KCNS3: variants seen among roughly 807,000 people sequenced by gnomAD.
KCNS3 encodes the protein potassium voltage-gated channel modifier subfamily S member 3.
In KCNS3, 13 loss-of-function variants were observed where a neutral mutation model predicts 31.0. That is an observed-to-expected ratio of 0.42 (90% CI 0.27 to 0.67). The LOEUF (loss-of-function observed/expected upper bound fraction) is 0.67, where lower values mean the gene tolerates loss of function less well. Among genes scored for constraint, KCNS3 ranks in the 30% least tolerant of loss-of-function variants. The pLI, the probability that KCNS3 is intolerant of heterozygous loss-of-function variation, is 0.25. For synonymous variants in KCNS3, 238 were observed against 241.5 expected (o/e 0.99, Z 0.13); for missense variants, 545 against 622.4 (o/e 0.88, Z 1.32).
chr2:17,904,986 A>G (rs1378017015), intron 1 of KCNS3, among the ~76,000 whole-genome samples: 1 of 152,166 alleles, frequency 6.6e-6, no homozygotes, highest in Non-Finnish European at 1.5e-5. Context: ...GTTTTTTCCA[A>G]TTCTGTGAAG....
intron 1 of KCNS3, among the ~76,000 whole-genome samples, chr2:17,908,880 G>A (rs910738013): frequency 6.6e-6 from 1 of 152,360 alleles, no homozygotes; most frequent in Admixed American, 6.5e-5. Context: ...ACTGGGGGGT[G>A]CCTCCCAGAT....
intron 1 of KCNS3, among the ~76,000 whole-genome samples, chr2:17,889,611 G>A (rs1270791981): frequency 5.9e-5 from 9 of 151,964 alleles, no homozygotes; most frequent in Non-Finnish European, 1.0e-4. Flanking sequence ...CTTGTATGCC[G>A]ATTTTGCTGA....
chr2:17,902,168 T>C (rs571818108), intron 1 of KCNS3, among the ~76,000 whole-genome samples: 3 of 152,168 alleles, frequency 2.0e-5, no homozygotes, highest in Non-Finnish European at 4.4e-5. Context: ...CAGATGCAGA[T>C]ATGCAGATTG....
Position 17,931,934 on chromosome 2 carries a change from G to T in KCNS3, c.926G>T (p.Gly309Val). Residue 309 changes from glycine to valine, a missense_variant, in exon 3 of 3, where the codon GGA (glycine) becomes GTA (valine). Coordinates refer to ENST00000304101, the MANE Select transcript of KCNS3 (RefSeq NM_002252.5). This position sits in a 1 kb window ranked among gnomAD's most constrained non-coding sequence, Gnocchi z 5.4. ...CTAAAGCTTGCCCGGCACTCGGTAG[G>T]ACTTCGGTCTCTAGGTGCCACACTG... Reference protein sequence around the residue: ...RILKLARHSVGLRSLGATLRH... With the variant: ...RILKLARHSVVLRSLGATLRH... 1 of 1,614,108 alleles carries T rather than the reference G, an allele frequency of 6.2e-7. No homozygotes were observed. Among genetic ancestry groups the T allele is most frequent in the Non-Finnish European group, 8.5e-7 (1 of 1,180,004 alleles).
At chr2:17,915,837 G>GT (rs1365741935) in intron 1 of KCNS3, among the ~76,000 whole-genome samples, 4 of 152,152 alleles carry the variant, frequency 2.6e-5, no homozygotes, top group South Asian at 2.1e-4. Context: ...TGAAAATCCA[G>GT]TTTTTTTGGA....
At chr2:17,904,867 G>A (rs941008743) in intron 1 of KCNS3, among the ~76,000 whole-genome samples, 1 of 152,146 alleles carries the variant, frequency 6.6e-6, no homozygotes, top group African/African-American at 2.4e-5. Flanking sequence ...CTGTAGCCTT[G>A]TAGTATAGTT....
chr2:17,904,590 T>C (rs1419617543), intron 1 of KCNS3, among the ~76,000 whole-genome samples: 6 of 152,176 alleles, frequency 3.9e-5, no homozygotes, highest in Non-Finnish European at 8.8e-5. Context: ...TTTATGGTTT[T>C]AGGTCTAACA....
chr2:17,904,670 C>T (rs1662272382), intron 1 of KCNS3, among the ~76,000 whole-genome samples: 2 of 152,160 alleles, frequency 1.3e-5, no homozygotes, highest in Admixed American at 1.3e-4. Flanking sequence ...TTCCAGCTTT[C>T]TACATATGGC....
chr2:17,896,312 T>TA (rs1444117674), intron 1 of KCNS3, among the ~76,000 whole-genome samples: 1 of 152,046 alleles, frequency 6.6e-6, no homozygotes, highest in African/African-American at 2.4e-5. Context: ...TCAGCCCCCC[T>TA]AAAGTGCTGG....
At chr2:17,908,722 C>A (rs923558601) in intron 1 of KCNS3, among the ~76,000 whole-genome samples, 3 of 152,194 alleles carry the variant, frequency 2.0e-5, no homozygotes, top group African/African-American at 7.2e-5. Context: ...TGCTAGAGGT[C>A]CACTCCAGAC....
chr2:17,892,072 G>A (rs1661870942), intron 1 of KCNS3, among the ~76,000 whole-genome samples: 1 of 152,034 alleles, frequency 6.6e-6, no homozygotes, highest in Non-Finnish European at 1.5e-5. Flanking sequence ...TTATTCTTAG[G>A]TTTGGTCATG....
intron 1 of KCNS3, among the ~76,000 whole-genome samples, chr2:17,908,059 G>T (rs940497204): frequency 6.6e-6 from 1 of 152,114 alleles, no homozygotes; most frequent in Non-Finnish European, 1.5e-5. Flanking sequence ...GAGTGTTTTC[G>T]AACTTGGTTC....
intron 1 of KCNS3, among the ~76,000 whole-genome samples, chr2:17,882,848 CA>C (rs1674672499): frequency 6.6e-6 from 1 of 152,096 alleles, no homozygotes; most frequent in African/African-American, 2.4e-5. Flanking sequence ...AACTTTTTAG[CA>C]TATCTGCACA....
At chr2:17,892,216 A>T (rs906026829) in intron 1 of KCNS3, among the ~76,000 whole-genome samples, 1 of 150,508 alleles carries the variant, frequency 6.6e-6, no homozygotes, top group Non-Finnish European at 1.5e-5. Flanking sequence ...GTTCAATTCT[A>T]TTGCTGAGAA....
chr2:17,888,645 ATATATATATATATATATATATAT>A (rs1558447004), intron 1 of KCNS3, among the ~76,000 whole-genome samples: 11 of 123,740 alleles, frequency 8.9e-5, no homozygotes, highest in African/African-American at 3.5e-4. Context: ...ATATATATAT[ATATATATATATATATATATATAT>A]ATATAAAGAA....
At chr2:17,924,278 A>G (rs1298914433) in intron 2 of KCNS3, among the ~76,000 whole-genome samples, 1 of 152,068 alleles carries the variant, frequency 6.6e-6, no homozygotes, top group East Asian at 1.9e-4. Flanking sequence ...GATTTTCTAT[A>G]TACAAGATCA....
intron 1 of KCNS3, among the ~76,000 whole-genome samples, chr2:17,902,830 C>T (rs915436942): frequency 6.6e-6 from 1 of 152,218 alleles, no homozygotes; most frequent in African/African-American, 2.4e-5. Context: ...ACTTCTATTA[C>T]AATCTGGGTT....
chr2:17,920,684 A>G (rs1028769204), intron 2 of KCNS3, among the ~76,000 whole-genome samples: 2 of 152,210 alleles, frequency 1.3e-5, no homozygotes, highest in African/African-American at 4.8e-5. Flanking sequence ...GAGAATCAAT[A>G]CAGTGAAGCT....
intron 1 of KCNS3, among the ~76,000 whole-genome samples, chr2:17,888,641 A>ATATATATC (rs1661758985): frequency 1.4e-5 from 1 of 73,274 alleles, no homozygotes; most frequent in African/African-American, 4.2e-5. Context: ...ATATATATAT[A>ATATATATC]TATATATATA....
Sources: gnomAD v4.1 joint callset for allele counts (sites outside exome capture counted in the v4.1 genomes callset) on GRCh38, gnomAD v4.1.1 for gene constraint, Gnocchi (gnomAD v3.1) non-coding constraint, MANE v1.5 for transcripts, NCBI Gene and HGNC (gene_info 2026-07-23, HGNC 2026-07-21) for gene names.